IFT56: variants seen among roughly 807,000 people sequenced by gnomAD.
IFT56 encodes the protein intraflagellar transport 56.
chr7:139,152,785 G>T, the IFT56 span, among the ~76,000 whole-genome samples: 3 of 152,100 alleles, frequency 2.0e-5, no homozygotes, highest in Non-Finnish European at 4.4e-5. Flanking sequence ...TGTACAGTTG[G>T]TTTTTTAGTA....
the IFT56 span, chr7:139,166,775 G>T: frequency 1.2e-6 from 1 of 838,704 alleles, no homozygotes; most frequent in South Asian, 1.6e-5. Context: ...CTTATCTTTT[G>T]GGAGGACTGC....
chr7:139,147,311 A>G, the IFT56 span: 2 of 1,576,804 alleles, frequency 1.3e-6, no homozygotes, highest in Non-Finnish European at 1.7e-6. Context: ...TTTTATGCCC[A>G]CTCTCCATTC....
the IFT56 span, among the ~76,000 whole-genome samples, chr7:139,169,775 C>A: frequency 6.6e-6 from 1 of 152,112 alleles, no homozygotes; most frequent in Non-Finnish European, 1.5e-5. Context: ...CTTTGGGAGG[C>A]TGAGGCAGGC....
the IFT56 span, chr7:139,165,088 T>C: frequency 6.7e-7 from 1 of 1,486,172 alleles, no homozygotes; most frequent in Non-Finnish European, 9.3e-7. Context: ...CCAATAAATA[T>C]ATACATCATT....
At chr7:139,178,147 C>G in the IFT56 span, 3 of 1,112,426 alleles carry the variant, frequency 2.7e-6, no homozygotes, top group Non-Finnish European at 4.0e-6. Flanking sequence ...TTAAATAACT[C>G]AAACTTCAGC....
the IFT56 span, among the ~76,000 whole-genome samples, chr7:139,135,297 A>C: frequency 1.9e-5 from 2 of 108,054 alleles, no homozygotes; most frequent in South Asian, 2.9e-4. Flanking sequence ...AAAAAAAAAA[A>C]ACAAAACAAA....
chr7:139,154,646 T>C, the IFT56 span, among the ~76,000 whole-genome samples: 1 of 152,200 alleles, frequency 6.6e-6, no homozygotes, highest in Non-Finnish European at 1.5e-5. Context: ...CAGTTTATCA[T>C]AGACAAATGG....
the IFT56 span, among the ~76,000 whole-genome samples, chr7:139,167,222 C>T: frequency 3.0e-3 from 454 of 152,246 alleles, 3 homozygotes; most frequent in Non-Finnish European, 5.4e-3. Context: ...GCAATTATCT[C>T]ATAAATTGTC....
the IFT56 span, chr7:139,142,188 A>G: frequency 1.9e-5 from 29 of 1,515,528 alleles, no homozygotes; most frequent in Non-Finnish European, 2.5e-5. Context: ...TCCGAGTCTC[A>G]TTTCATTCCT....
At chr7:139,187,922 C>T in the IFT56 span, among the ~76,000 whole-genome samples, 1 of 150,168 alleles carries the variant, frequency 6.7e-6, no homozygotes, top group African/African-American at 2.4e-5. Context: ...TGTTTTTTGC[C>T]TATTGGCTTT....
the IFT56 span, among the ~76,000 whole-genome samples, chr7:139,162,133 A>G: frequency 3.3e-5 from 5 of 152,228 alleles, no homozygotes; most frequent in African/African-American, 4.8e-5. Context: ...AGGAGTATCA[A>G]CAAATGAAAC....
chr7:139,166,009 G>A, the IFT56 span, among the ~76,000 whole-genome samples: 1 of 152,158 alleles, frequency 6.6e-6, no homozygotes, highest in Admixed American at 6.6e-5. Context: ...CCAGGCTGGA[G>A]TGCAGTGGCG....
chr7:139,139,912 A>G, the IFT56 span: 1 of 1,612,144 alleles, frequency 6.2e-7, no homozygotes, highest in Non-Finnish European at 8.5e-7. Flanking sequence ...GCTACAAAAG[A>G]GGAAAATTGT....
the IFT56 span, among the ~76,000 whole-genome samples, chr7:139,174,526 A>G: frequency 6.6e-6 from 1 of 152,216 alleles, no homozygotes; most frequent in Non-Finnish European, 1.5e-5. Context: ...ATGGGGTCAC[A>G]TCAAGTGAAA....
At chr7:139,150,205 A>G in the IFT56 span, among the ~76,000 whole-genome samples, 9 of 152,212 alleles carry the variant, frequency 5.9e-5, no homozygotes, top group Admixed American at 1.3e-4. Context: ...GAGTCCCCCA[A>G]GTCTGCCTAA....
the IFT56 span, among the ~76,000 whole-genome samples, chr7:139,184,064 A>C: frequency 7.9e-5 from 12 of 152,214 alleles, no homozygotes; most frequent in African/African-American, 2.9e-4. Flanking sequence ...AAGAAAACCT[A>C]CGTGCTCCCT....
the IFT56 span, among the ~76,000 whole-genome samples, chr7:139,183,491 A>G: frequency 1.3e-5 from 2 of 152,208 alleles, no homozygotes; most frequent in Non-Finnish European, 2.9e-5. Context: ...AAAGAAAAAC[A>G]AAGAGAATAA....
chr7:139,141,527 A>G, the IFT56 span, among the ~76,000 whole-genome samples: 2 of 152,124 alleles, frequency 1.3e-5, no homozygotes, highest in Admixed American at 6.6e-5. Context: ...ACTTTATCTC[A>G]TATTTGTAGG....
At chr7:139,187,304 G>A in the IFT56 span, 4 of 1,363,182 alleles carry the variant, frequency 2.9e-6, no homozygotes, top group East Asian at 9.3e-5. Flanking sequence ...CAGCACCCAT[G>A]CACTTATTTC....
Sources: allele counts gnomAD v4.1 joint callset (sites outside exome capture counted in the v4.1 genomes callset), GRCh38; gene constraint gnomAD v4.1.1; transcripts MANE v1.5; gene names NCBI Gene and HGNC (gene_info 2026-07-23, HGNC 2026-07-21).